Variants in CERS3 observed in about 807,000 individuals in gnomAD.
The protein encoded by CERS3 is LAG1 homolog, ceramide synthase 3.
A neutral mutation model predicts 50.3 loss-of-function variants in CERS3; 33 were observed. The ratio of observed to expected loss-of-function variants is 0.66; its 90% CI spans 0.50 to 0.88. The LOEUF (loss-of-function observed/expected upper bound fraction) is 0.88, where lower values mean the gene tolerates loss of function less well. CERS3 is among the 40% of genes least tolerant of loss of function. CERS3 has a pLI of 0.00. For missense variants in CERS3, 470 were observed against 460.3 expected (o/e 1.02, Z -0.19); for synonymous variants, 176 against 155.2 (o/e 1.13, Z -0.99).
At chr15:100,528,699 C>G (rs1283083975) in intron 1 of CERS3, 114 bp downstream of exon 1, 4 of 152,412 alleles carry the variant, frequency 2.6e-5, no homozygotes, top group Non-Finnish European at 4.4e-5. Context: ...ATCTCCTCTC[C>G]CTCTCTGTTA....
chr15:100,514,181 A>C (rs538704824), intron 2 of CERS3, among the ~76,000 whole-genome samples: 1 of 152,234 alleles, frequency 6.6e-6, no homozygotes, highest in Non-Finnish European at 1.5e-5. Context: ...TAGAATGAGT[A>C]AGTGGGTAAA....
Position 100,416,409 on chromosome 15 carries a change from C to T in CERS3, c.1000-13544G>A, listed in dbSNP as rs191202032. On this transcript the variant is annotated intron_variant, in intron 11 of 11. Transcript: ENST00000679737. ...CAGACTCCCTATTCAGTAAACAGTG[C>T]TGGGATAGCTGGCAAGCTACAGAAT... Among the ~76,000 whole-genome samples the T allele has an allele frequency of 2.6e-5, 4 of 152,332 alleles. No homozygotes were observed. The East Asian group carries it at 7.7e-4, about 29-fold the overall frequency.
intron 11 of CERS3, among the ~76,000 whole-genome samples, chr15:100,415,811 G>C (rs1433580835): frequency 6.6e-6 from 1 of 151,870 alleles, no homozygotes; most frequent in Non-Finnish European, 1.5e-5. Context: ...GTGAGGGAGG[G>C]GAGGGAGCAT....
At chr15:100,416,116 T>C (rs1440520269) in intron 11 of CERS3, among the ~76,000 whole-genome samples, 1 of 110,988 alleles carries the variant, frequency 9.0e-6, no homozygotes, top group Non-Finnish European at 2.1e-5. Context: ...ATGTAATTTT[T>C]CACAGAATTA....
intron 11 of CERS3, among the ~76,000 whole-genome samples, chr15:100,413,874 C>CAAA (rs35591274): frequency 0.56 from 85,338 of 151,108 alleles, 24,268 homozygotes; most frequent in Non-Finnish European, 0.6. Flanking sequence ...TATAACCTCC[C>CAAA]AAAATTGAAT....
chr15:100,506,067 T>C (rs2036169314), intron 2 of CERS3, among the ~76,000 whole-genome samples: 2 of 85,428 alleles, frequency 2.3e-5, no homozygotes, highest in Non-Finnish European at 4.5e-5. Flanking sequence ...AGAGACCCTG[T>C]TTCAAAACAA....
intron 3 of CERS3, among the ~76,000 whole-genome samples, chr15:100,495,109 G>C (rs1310286793): frequency 6.6e-6 from 1 of 152,196 alleles, no homozygotes; most frequent in Non-Finnish European, 1.5e-5. Context: ...ATTGTGAGTA[G>C]TGCCTTCCAG....
At chr15:100,409,821 G>T (rs1001002074) in intron 11 of CERS3, among the ~76,000 whole-genome samples, 1 of 152,142 alleles carries the variant, frequency 6.6e-6, no homozygotes, top group Non-Finnish European at 1.5e-5. Flanking sequence ...ATCATTAAAG[G>T]GTCAAGAAAA....
chr15:100,418,341 A>G (rs1405080006), intron 11 of CERS3, among the ~76,000 whole-genome samples: 1 of 152,098 alleles, frequency 6.6e-6, no homozygotes, highest in Non-Finnish European at 1.5e-5. Context: ...GGGATGGAAG[A>G]TGAAATGAAT....
At chr15:100,459,821 A>G (rs1326260688) in intron 10 of CERS3, among the ~76,000 whole-genome samples, 1 of 152,128 alleles carries the variant, frequency 6.6e-6, no homozygotes, top group Non-Finnish European at 1.5e-5. Flanking sequence ...AGTACTGTTT[A>G]TATTCATATT....
At position 100,404,019 on chromosome 15, in the gene CERS3, A is replaced by G. The variant is rs538841317; in HGVS notation, c.1000-1154T>C. ...AAGTGGTCCTTATAAAAACAGAGGC[A>G]GAGGAAGGGCCAACACACAGAAGAG... On this transcript the variant is annotated intron_variant, in intron 11 of 11. Transcript: ENST00000679737. Among the ~76,000 whole-genome samples the G allele has an allele frequency of 2.0e-5, 3 of 152,344 alleles. No homozygotes were observed. The East Asian group carries it at 5.8e-4, about 29-fold the overall frequency.
At chr15:100,522,328 A>AT (rs1567681212) in intron 1 of CERS3, among the ~76,000 whole-genome samples, 1 of 152,194 alleles carries the variant, frequency 6.6e-6, no homozygotes, top group Non-Finnish European at 1.5e-5. Context: ...CATGCTTTCT[A>AT]CCTAACCAGA....
intron 5 of CERS3, among the ~76,000 whole-genome samples, chr15:100,480,760 A>G (rs1312786957): frequency 6.6e-6 from 1 of 152,222 alleles, no homozygotes; most frequent in Non-Finnish European, 1.5e-5. Flanking sequence ...TTATGCTGAA[A>G]ATAAAGAGTT....
intron 9 of CERS3, 34 bp downstream of exon 9, chr15:100,472,880 CAGGACATGGT>C: frequency 6.2e-7 from 1 of 1,612,468 alleles, no homozygotes; most frequent in Non-Finnish European, 8.5e-7. Flanking sequence ...TACGGAAACC[CAGGACATGGT>C]ATTGTCATTA....
intron 11 of CERS3, among the ~76,000 whole-genome samples, chr15:100,445,578 A>G (rs1340127935): frequency 1.3e-5 from 2 of 152,114 alleles, no homozygotes; most frequent in East Asian, 1.9e-4. Flanking sequence ...TCTAAATGAC[A>G]AATGTTTCTT....
At chr15:100,410,875 C>T (rs1367758956) in intron 11 of CERS3, among the ~76,000 whole-genome samples, 1 of 150,090 alleles carries the variant, frequency 6.7e-6, no homozygotes. Context: ...GGATTAAATA[C>T]ATTCATAATT....
chr15:100,402,733 T>C lies in CERS3; in HGVS notation c.1132A>G (p.Asn378Asp). Residue 378 changes from asparagine (N) to aspartate (D), a missense_variant, in exon 12 of 12, where the codon AAT becomes GAT. Transcript: ENST00000679737. ...TCCAGCTAATGGCCATGCTGGCCAT[T>C]GGGAATGAGGTGCCTCTCAGCCCTG... Reference protein sequence around the residue: ...GLRAERHLIPNGQHGH With the variant: ...GLRAERHLIPDGQHGH 6.2e-7 allele frequency: 1 copy of C among 1,614,142 alleles called. No individual in the cohort carries two copies. The highest frequency in any genetic ancestry group is 8.5e-7 in the Non-Finnish European group (1 of 1,180,022).
intron 5 of CERS3, among the ~76,000 whole-genome samples, chr15:100,483,024 G>A (rs1047854264): frequency 6.6e-6 from 1 of 152,180 alleles, no homozygotes; most frequent in African/African-American, 2.4e-5. Context: ...CCCACTTACT[G>A]TGTCCTGAAT....
chr15:100,432,297 T>C lies in CERS3; in HGVS notation c.999+23596A>G, dbSNP rs191215478. ...AAGCACCTGTCACCAAATGTCAGGC[T>C]TTCCCATTCTTAAACAAAAGGCTGG... On this transcript the variant is annotated intron_variant, in intron 11 of 11. Transcript: ENST00000679737. 3.6e-3 allele frequency among the ~76,000 whole-genome samples: 547 copies of C among 152,316 alleles called. 8 individuals are homozygous for C. Among genetic ancestry groups the C allele is most frequent in the Admixed American group, 0.032 (494 of 15,294 alleles).
Sources: allele counts gnomAD v4.1 joint callset (sites outside exome capture counted in the v4.1 genomes callset), GRCh38; gene constraint gnomAD v4.1.1; transcripts MANE v1.5; gene names NCBI Gene and HGNC (gene_info 2026-07-23, HGNC 2026-07-21).